The following CLASP2 variants were observed in gnomAD, a reference collection of about 807,000 sequenced individuals.
CLASP2 encodes the protein cytoplasmic linker associated protein 2, also known as CLIP-associating protein 2.
CLASP2 carries 47 observed loss-of-function variants against 194.4 expected under a neutral mutation model. The ratio of observed to expected loss-of-function variants is 0.24; its 90% confidence interval spans 0.19 to 0.31. The LOEUF is 0.31. Ranked by LOEUF, CLASP2 falls within the 10% of genes least tolerant of loss-of-function variation. The pLI, the probability that CLASP2 is intolerant of heterozygous loss-of-function variation, is 1.00. For missense variants in CLASP2, 1,445 were observed against 1,823.6 expected (o/e 0.79, Z 3.78); for synonymous variants, 619 against 633.5 (o/e 0.98, Z 0.34).
intron 27 of CLASP2, 92 bp from the exon 28 acceptor site, chr3:33,561,063 G>T: frequency 8.9e-7 from 1 of 1,124,116 alleles, no homozygotes; most frequent in Non-Finnish European, 1.3e-6. Flanking sequence ...AGGAACACAG[G>T]AATCAGAGGC....
At chr3:33,663,069 T>C (rs2085543128) in intron 7 of CLASP2, among the ~76,000 whole-genome samples, 1 of 151,860 alleles carries the variant, frequency 6.6e-6, no homozygotes, top group African/African-American at 2.4e-5. Context: ...AACCCCACAA[T>C]TTCTATTAAA....
intron 20 of CLASP2, among the ~76,000 whole-genome samples, chr3:33,593,502 G>A (rs1261227871): frequency 6.6e-6 from 1 of 152,026 alleles, no homozygotes; most frequent in Non-Finnish European, 1.5e-5. Context: ...AAAGAATAAG[G>A]AGATATTACA....
Position 33,509,293 on chromosome 3 carries a change from C to T in CLASP2, c.4317+1265G>A, listed in dbSNP as rs151202689. Among the ~76,000 whole-genome samples, 210 of 152,242 alleles carry T rather than the reference C, an allele frequency of 1.4e-3. 2 individuals carry two copies. The highest frequency in any genetic ancestry group is 4.8e-3 in the African/African-American group (201 of 41,532). ...ATCTTTCCTAACTATCTTGGCTCAC[C>T]GCCAACTCCACCTCTCGGGTTCAAG... On this transcript the variant is annotated intron_variant, in intron 37 of 38. Coordinates refer to ENST00000682230, the MANE Select transcript of CLASP2 (RefSeq NM_001365631.1).
chr3:33,560,368 G>A (rs922221053), intron 28 of CLASP2, among the ~76,000 whole-genome samples: 4 of 151,850 alleles, frequency 2.6e-5, no homozygotes, highest in African/African-American at 9.7e-5. Context: ...TCAGCCTCTG[G>A]AGTAGCTGAG....
At chr3:33,543,228 C>T (rs527589280) in intron 32 of CLASP2, among the ~76,000 whole-genome samples, 2 of 152,166 alleles carry the variant, frequency 1.3e-5, no homozygotes, top group East Asian at 1.9e-4. Flanking sequence ...CAAAAATCAG[C>T]GGGGTGTGGT....
At chr3:33,541,339 T>TAAA (rs2058327887) in intron 32 of CLASP2, among the ~76,000 whole-genome samples, 1 of 152,162 alleles carries the variant, frequency 6.6e-6, no homozygotes, top group Non-Finnish European at 1.5e-5. Context: ...AAAAAACTTT[T>TAAA]AAGTTCAGGG....
At chr3:33,697,462 C>G (rs1182513998) in intron 1 of CLASP2, among the ~76,000 whole-genome samples, 1 of 152,138 alleles carries the variant, frequency 6.6e-6, no homozygotes, top group Non-Finnish European at 1.5e-5. Context: ...AAAGGTAATG[C>G]AAGCACAACA....
chr3:33,705,907 T>C (rs1441811439), intron 1 of CLASP2, among the ~76,000 whole-genome samples: 5 of 152,148 alleles, frequency 3.3e-5, no homozygotes, highest in African/African-American at 1.2e-4. Flanking sequence ...GAAAAGTATG[T>C]ATATCAAAAA....
intron 36 of CLASP2, among the ~76,000 whole-genome samples, chr3:33,512,688 GAA>G (rs974434369): frequency 1.8e-4 from 14 of 78,746 alleles, no homozygotes; most frequent in African/African-American, 6.4e-4. Flanking sequence ...ACATACACTG[GAA>G]AAAAAAAAAA....
chr3:33,521,913 A>G (rs1398474376), intron 34 of CLASP2, among the ~76,000 whole-genome samples: 1 of 152,144 alleles, frequency 6.6e-6, no homozygotes, highest in Non-Finnish European at 1.5e-5. Context: ...CTTGACAGGC[A>G]GCTGTGCACA....
At chr3:33,628,673 T>C (rs1266060726) in intron 9 of CLASP2, among the ~76,000 whole-genome samples, 1 of 151,982 alleles carries the variant, frequency 6.6e-6, no homozygotes, top group Non-Finnish European at 1.5e-5. Context: ...AGGTAAACAA[T>C]CACAGTGGAT....
chr3:33,542,457 G>T (rs960995664), intron 32 of CLASP2, among the ~76,000 whole-genome samples: 2 of 148,154 alleles, frequency 1.3e-5, no homozygotes, highest in Non-Finnish European at 3.0e-5. Context: ...ATAGGGAAGG[G>T]TTAAATATAT....
In CLASP2 at chr3:33,606,624, T is replaced by C; in HGVS notation, c.1661A>G (p.Asp554Gly). The C allele has an allele frequency of 6.2e-7, 1 of 1,613,780 alleles. No homozygotes were observed. The highest frequency in any genetic ancestry group is 8.5e-7 in the Non-Finnish European group (1 of 1,179,776). The change falls in exon 16 of 39, where the codon GAC (aspartate) becomes GGC (glycine). Residue 554 changes from aspartate to glycine, a missense_variant. Coordinates refer to ENST00000682230, the MANE Select transcript of CLASP2 (RefSeq NM_001365631.1). ...TTCCTGTGAGCTGGATGAGGACCTGTCTGATTGTGGAAGAGATGCTACACT... is the reference window on the plus strand; with the variant it reads ...TTCCTGTGAGCTGGATGAGGACCTGCCTGATTGTGGAAGAGATGCTACACT... ...SGSVASLPQS[D>G]RSSSSSQESL...
intron 6 of CLASP2, among the ~76,000 whole-genome samples, chr3:33,678,388 C>T (rs1244738366): frequency 6.6e-6 from 1 of 152,002 alleles, no homozygotes; most frequent in African/African-American, 2.4e-5. Context: ...GGGAAAAAAA[C>T]ACTGCCTATA....
chr3:33,574,930 T>C (rs2064525282), intron 24 of CLASP2, among the ~76,000 whole-genome samples: 1 of 152,144 alleles, frequency 6.6e-6, no homozygotes, highest in South Asian at 2.1e-4. Context: ...AACTTTAGCC[T>C]TGGTAGTTAA....
intron 9 of CLASP2, among the ~76,000 whole-genome samples, chr3:33,630,859 A>C (rs2078966536): frequency 1.3e-5 from 2 of 152,224 alleles, no homozygotes; most frequent in African/African-American, 2.4e-5. Flanking sequence ...AGTTCAACTA[A>C]GTTTTACTGA....
chr3:33,542,996 C>T (rs1199269624), intron 32 of CLASP2, among the ~76,000 whole-genome samples: 1 of 152,026 alleles, frequency 6.6e-6, no homozygotes, highest in East Asian at 1.9e-4. Context: ...AAATTTTTTT[C>T]ATTTGCTAAG....
intron 6 of CLASP2, among the ~76,000 whole-genome samples, chr3:33,679,915 C>T (rs1047584933): frequency 3.3e-5 from 5 of 152,172 alleles, no homozygotes; most frequent in African/African-American, 9.7e-5. Context: ...TGTATGTCCA[C>T]ACAAAGCCTG....
chr3:33,663,421 G>C (rs2085631139), intron 7 of CLASP2, 24 bp downstream of exon 7: 1 of 1,591,976 alleles, frequency 6.3e-7, no homozygotes, highest in Non-Finnish European at 8.6e-7. Context: ...TCTTAGAAAT[G>C]TTTGAGAGCT....
Sources: gnomAD v4.1 joint callset for allele counts (sites outside exome capture counted in the v4.1 genomes callset) on GRCh38, gnomAD v4.1.1 for gene constraint, MANE v1.5 for transcripts, NCBI Gene and HGNC (gene_info 2026-07-23, HGNC 2026-07-21) for gene names.